The following SOX5 variants were observed in gnomAD, a reference collection of about 807,000 sequenced individuals.
The protein encoded by SOX5 is transcription factor SOX-5.
In SOX5, 9 loss-of-function variants were observed where a neutral mutation model predicts 92.0. The observed-to-expected ratio is 0.10, with a 90% CI of 0.06 to 0.17. The LOEUF (loss-of-function observed/expected upper bound fraction) is 0.17. Among genes scored for constraint, SOX5 ranks in the 10% least tolerant of loss-of-function variants. The pLI, the probability that SOX5 is intolerant of heterozygous loss-of-function variation, is 1.00. For missense variants in SOX5, 642 were observed against 944.5 expected (o/e 0.68, Z 4.20); for synonymous variants, 344 against 336.3 (o/e 1.02, Z -0.25).
At chr12:24,191,044 G>A (rs1956475151) in intron 4 of SOX5, among the ~76,000 whole-genome samples, 3 of 152,140 alleles carry the variant, frequency 2.0e-5, no homozygotes, top group African/African-American at 7.2e-5. Context: ...CACCATGGCT[G>A]CAGCGATCCT....
chr12:23,688,117 G>C (rs1261149909), intron 6 of SOX5, among the ~76,000 whole-genome samples: 1 of 151,988 alleles, frequency 6.6e-6, no homozygotes, highest in East Asian at 1.9e-4. Context: ...CTTACATCTT[G>C]CTTGCAAATG....
intron 1 of SOX5, among the ~76,000 whole-genome samples, chr12:24,458,557 A>AC (rs1943277025): frequency 6.6e-6 from 1 of 152,086 alleles, no homozygotes; most frequent in South Asian, 2.1e-4. Flanking sequence ...GTAGGATGGG[A>AC]CCCAGATATA....
intron 4 of SOX5, among the ~76,000 whole-genome samples, chr12:23,986,301 G>A (rs1172983300): frequency 6.6e-6 from 1 of 151,940 alleles, no homozygotes; most frequent in East Asian, 1.9e-4. Flanking sequence ...GAATCTCAGG[G>A]AAGACATACG....
At chr12:23,668,861 G>A (rs962140254) in intron 6 of SOX5, among the ~76,000 whole-genome samples, 1 of 152,038 alleles carries the variant, frequency 6.6e-6, no homozygotes, top group Admixed American at 6.6e-5. Flanking sequence ...AAGATGTTAT[G>A]AATCCAACAC....
chr12:24,519,892 G>C (rs1043495852), intron 1 of SOX5, among the ~76,000 whole-genome samples: 1 of 152,022 alleles, frequency 6.6e-6, no homozygotes, highest in Non-Finnish European at 1.5e-5. Flanking sequence ...CAATCAAATT[G>C]TCATAAGGCA....
intron 4 of SOX5, among the ~76,000 whole-genome samples, chr12:24,069,112 A>G (rs933539361): frequency 2.1e-5 from 3 of 140,706 alleles, no homozygotes; most frequent in Non-Finnish European, 3.2e-5. Context: ...TTAGGGCCTT[A>G]AAAAAAAATA....
intron 11 of SOX5, among the ~76,000 whole-genome samples, chr12:23,561,533 C>T (rs533217255): frequency 6.6e-6 from 1 of 152,252 alleles, no homozygotes; most frequent in South Asian, 2.1e-4. Context: ...AAGCCGTCAG[C>T]GCAATTATTG....
At chr12:23,955,118 T>C (rs753442290), upstream of SOX5, among the ~76,000 whole-genome samples, 2 of 152,086 alleles carry the variant, frequency 1.3e-5, no homozygotes, top group East Asian at 1.9e-4. Flanking sequence ...TAATATGCCA[T>C]ATTTTCTGCA....
chr12:23,964,086 C>T (rs1409821329), intron 4 of SOX5, among the ~76,000 whole-genome samples: 2 of 151,912 alleles, frequency 1.3e-5, no homozygotes, highest in African/African-American at 2.4e-5. Context: ...TAGTGTTCCA[C>T]CAAACCTCTC....
At chr12:24,014,796 A>C (rs1340938617) in intron 4 of SOX5, among the ~76,000 whole-genome samples, 4 of 152,160 alleles carry the variant, frequency 2.6e-5, no homozygotes, top group Non-Finnish European at 5.9e-5. Flanking sequence ...TGACTCCTTA[A>C]ATTCACAATC....
At chr12:24,144,118 A>C (rs541301720) in intron 4 of SOX5, among the ~76,000 whole-genome samples, 2 of 152,314 alleles carry the variant, frequency 1.3e-5, no homozygotes, top group Admixed American at 1.3e-4. Context: ...AGAGACAAAC[A>C]GAGCATGACA....
intron 3 of SOX5, among the ~76,000 whole-genome samples, chr12:24,250,465 G>A (rs1939800741): frequency 6.6e-6 from 1 of 152,178 alleles, no homozygotes; most frequent in Admixed American, 6.5e-5. Context: ...ATTAATACCA[G>A]CAGGAGGAGA....
intron 1 of SOX5, among the ~76,000 whole-genome samples, chr12:23,907,746 C>T (rs933140874): frequency 7.0e-6 from 1 of 142,938 alleles, no homozygotes; most frequent in East Asian, 2.2e-4. Flanking sequence ...GGTGCATAAG[C>T]AAAAAAAAAA....
intron 4 of SOX5, among the ~76,000 whole-genome samples, chr12:24,069,312 T>C (rs1729415235): frequency 6.6e-6 from 1 of 152,204 alleles, no homozygotes; most frequent in Admixed American, 6.5e-5. Context: ...CTCAAGTTCA[T>C]GGTTTTACAC....
chr12:23,762,436 C>T (rs1184964248), intron 3 of SOX5: 2 of 397,430 alleles, frequency 5.0e-6, no homozygotes, highest in East Asian at 7.2e-5. Context: ...TAACACATAC[C>T]ACAACAAACA....
Position 24,517,706 on chromosome 12 carries a change from T to G in SOX5, c.-251+44623A>C, listed in dbSNP as rs1441441105. Among the ~76,000 whole-genome samples the G allele has an allele frequency of 3.9e-3, 590 of 149,462 alleles. 2 individuals carry two copies. Among genetic ancestry groups the G allele is most frequent in the African/African-American group, 0.012 (483 of 40,794 alleles). ...AAGAAAACATAATTAATTCCATGTT[T>G]TTTTTTTTTTTTTAACAATCCTCCC... On this transcript the variant is annotated intron_variant, in intron 1 of 4. Coordinates refer to the SOX5 transcript ENST00000446891.
chr12:23,589,031 C>T (rs1347105622), intron 9 of SOX5, among the ~76,000 whole-genome samples: 1 of 151,752 alleles, frequency 6.6e-6, no homozygotes, highest in Non-Finnish European at 1.5e-5. Flanking sequence ...TAAGTACATG[C>T]TATGATGCTT....
Position 23,532,315 on chromosome 12 carries a change from T to C in SOX5, c.*1904A>G, listed in dbSNP as rs1939270882. 1 of 152,178 alleles carries C rather than the reference T, an allele frequency of 6.6e-6. No individual in the cohort carries two copies. The highest frequency in any genetic ancestry group is 1.5e-5 in the Non-Finnish European group (1 of 68,030). The allele number at this position is 152,178 out of a possible 1,614,324, so 9.4% of individuals were successfully genotyped here. On this transcript the variant is annotated 3_prime_UTR_variant, in exon 15 of 15. Transcript: ENST00000451604. ...AGAAAAATAAAAGGGATTCTTTTTT[T>C]ATTTATATGTAAAAATCCAACTTTA...
chr12:23,833,734 C>T (rs956958584), intron 3 of SOX5, among the ~76,000 whole-genome samples: 1 of 151,654 alleles, frequency 6.6e-6, no homozygotes, highest in Non-Finnish European at 1.5e-5. Context: ...AAGAAATGAT[C>T]TTACAATTCA....
Sources: gnomAD v4.1 joint callset for allele counts (sites outside exome capture counted in the v4.1 genomes callset) on GRCh38, gnomAD v4.1.1 for gene constraint, MANE v1.5 for transcripts, NCBI Gene and HGNC (gene_info 2026-07-23, HGNC 2026-07-21) for gene names.